The following ABCG2 variants were observed in gnomAD, a reference collection of about 807,000 sequenced individuals.
ABCG2 encodes the protein broad substrate specificity ATP-binding cassette transporter ABCG2.
In ABCG2, 80 loss-of-function variants were observed where a neutral mutation model predicts 73.5. The ratio of observed to expected loss-of-function variants is 1.09; its 90% CI spans 0.91 to 1.31. The LOEUF (loss-of-function observed/expected upper bound fraction) is 1.31. ABCG2 is among the 50% of genes most tolerant of loss of function. The pLI, the probability that ABCG2 is intolerant of heterozygous loss-of-function variation, is 0.00. For missense variants in ABCG2, 796 were observed against 786.2 expected (o/e 1.01, Z -0.15); for synonymous variants, 269 against 282.4 (o/e 0.95, Z 0.48).
chr4:88,190,974 C>T (rs903177601), intron 1 of ABCG2, among the ~76,000 whole-genome samples: 5 of 151,836 alleles, frequency 3.3e-5, no homozygotes, highest in Admixed American at 6.6e-5. Flanking sequence ...CTGTGGCTCA[C>T]GCCTGTAATC....
intron 1 of ABCG2, among the ~76,000 whole-genome samples, chr4:88,175,746 A>G (rs1054523911): frequency 6.6e-6 from 1 of 152,228 alleles, no homozygotes; most frequent in African/African-American, 2.4e-5. Flanking sequence ...CTTGCTTTCT[A>G]GCATAACAAC....
chr4:88,124,439 A>C (rs1159262330), intron 5 of ABCG2, among the ~76,000 whole-genome samples: 1 of 152,224 alleles, frequency 6.6e-6, no homozygotes, highest in Non-Finnish European at 1.5e-5. Flanking sequence ...AAAGATACAC[A>C]TAGGCTCAAA....
chr4:88,172,581 G>GAAA (rs35070245), intron 1 of ABCG2, among the ~76,000 whole-genome samples: 12,261 of 142,210 alleles, frequency 0.086, 1,804 homozygotes, highest in African/African-American at 0.3. Flanking sequence ...CTGTCTCAGG[G>GAAA]AAAAAAAAAA....
At chr4:88,205,481 A>G (rs772792491) in intron 1 of ABCG2, among the ~76,000 whole-genome samples, 1 of 152,190 alleles carries the variant, frequency 6.6e-6, no homozygotes, top group South Asian at 2.1e-4. Context: ...AATAAAAACT[A>G]TAATATAAAT....
At chr4:88,185,758 C>T (rs1190689402) in intron 1 of ABCG2, among the ~76,000 whole-genome samples, 1 of 152,148 alleles carries the variant, frequency 6.6e-6, no homozygotes, top group Non-Finnish European at 1.5e-5. Flanking sequence ...AAAAGGTACT[C>T]ATTATCATTA....
At chr4:88,143,741 T>G (rs1368596103) in intron 1 of ABCG2, among the ~76,000 whole-genome samples, 1 of 151,808 alleles carries the variant, frequency 6.6e-6, no homozygotes, top group Non-Finnish European at 1.5e-5. Context: ...ACCAAGTGAT[T>G]AGACAGGTAT....
intron 5 of ABCG2, among the ~76,000 whole-genome samples, chr4:88,126,477 A>C (rs1328038050): frequency 1.3e-5 from 2 of 152,214 alleles, no homozygotes; most frequent in Non-Finnish European, 2.9e-5. Context: ...ACAACAAAAA[A>C]AGAAAATTTC....
chr4:88,093,189 T>G (rs1474362858), intron 15 of ABCG2, among the ~76,000 whole-genome samples: 3 of 152,202 alleles, frequency 2.0e-5, no homozygotes, highest in Non-Finnish European at 4.4e-5. Flanking sequence ...AAAACATACA[T>G]AGCCTCTCTT....
At chr4:88,227,191 G>A (rs369665833) in intron 1 of ABCG2, among the ~76,000 whole-genome samples, 12 of 152,132 alleles carry the variant, frequency 7.9e-5, no homozygotes, top group African/African-American at 2.7e-4. Flanking sequence ...TCAGCAGTTC[G>A]AGACCAGCCT....
At chr4:88,115,256 C>CTCTCTCTCTCTCTCTCTATATATATATA (rs1309360818) in intron 7 of ABCG2, among the ~76,000 whole-genome samples, 198 bp from the exon 8 acceptor site, 1 of 69,866 alleles carries the variant, frequency 1.4e-5, no homozygotes, top group Non-Finnish European at 2.6e-5. Context: ...CTCTCTCTCT[C>CTCTCTCTCTCTCTCTCTATATATATATA]TATATATATA....
At chr4:88,096,786 C>G (rs1389604676) in intron 13 of ABCG2, among the ~76,000 whole-genome samples, 2 of 151,664 alleles carry the variant, frequency 1.3e-5, no homozygotes, top group Admixed American at 1.3e-4. Flanking sequence ...TATTGAATGT[C>G]AGGAACGAAA....
chr4:88,159,914 C>T (rs960000965), upstream of ABCG2, among the ~76,000 whole-genome samples: 1 of 151,954 alleles, frequency 6.6e-6, no homozygotes, highest in Non-Finnish European at 1.5e-5. Flanking sequence ...CCTTAAAGGC[C>T]CATATAGAAA....
At chr4:88,202,359 T>TATATATATATAC (rs1197305799) in intron 1 of ABCG2, among the ~76,000 whole-genome samples, 1 of 112,524 alleles carries the variant, frequency 8.9e-6, no homozygotes, top group Non-Finnish European at 1.8e-5. Context: ...ATTATTTATA[T>TATATATATATAC]ATATATATAT....
intron 1 of ABCG2, among the ~76,000 whole-genome samples, chr4:88,208,580 A>T (rs1436224627): frequency 3.9e-5 from 6 of 152,242 alleles, no homozygotes; most frequent in Non-Finnish European, 8.8e-5. Flanking sequence ...TTAACTGATA[A>T]CTGGGGACAC....
Position 88,113,268 on chromosome 4 carries a change from C to A in ABCG2, c.1194+35G>T, listed in dbSNP as rs778507868. On this transcript the variant is annotated intron_variant, in intron 9 of 15. Transcript: ENST00000237612. ...CAGATGATAACAGAACCACATTGTT[C>A]CCATTTGAGTATTTCAAAAGAATCT... is the stretch of plus-strand genomic sequence containing the variant. 12 of 1,601,452 alleles carry A rather than the reference C, an allele frequency of 7.5e-6. No individual in the cohort carries two copies. The South Asian group carries it at 1.4e-4, about 18-fold the overall frequency.
At chr4:88,221,805 TA>T (rs534716586) in intron 1 of ABCG2, among the ~76,000 whole-genome samples, 6 of 152,138 alleles carry the variant, frequency 3.9e-5, no homozygotes, top group Non-Finnish European at 7.4e-5. Flanking sequence ...AAGCAGAGCA[TA>T]AAAGTTTGGA....
Position 88,107,207 on chromosome 4 carries a change from A to AT in ABCG2, c.1253dup (p.Asn418LysfsTer2), listed in dbSNP as rs759222919. The stretch of plus-strand genomic sequence containing the variant: ...ACCTGTTCTGGATTCCAGTAGAATC[A>AT]TTTTTTAGCCCAAAGTAAATGGCAC... On this transcript the variant is annotated frameshift_variant, in exon 10 of 16. Transcript: ENST00000237612. LOFTEE classifies it high-confidence loss of function. 2 of 1,613,450 alleles carry AT rather than the reference A, an allele frequency of 1.2e-6. No homozygotes were observed. Among genetic ancestry groups the AT allele is most frequent in the Non-Finnish European group, 1.7e-6 (2 of 1,179,706 alleles).
At chr4:88,153,937 G>A (rs1043105731) in intron 1 of ABCG2, among the ~76,000 whole-genome samples, 2 of 152,154 alleles carry the variant, frequency 1.3e-5, no homozygotes, top group Non-Finnish European at 2.9e-5. Flanking sequence ...AGATTTCCAC[G>A]ATGGAAAGGA....
At chr4:88,127,291 C>T (rs1292936669) in intron 5 of ABCG2, among the ~76,000 whole-genome samples, 1 of 152,134 alleles carries the variant, frequency 6.6e-6, no homozygotes, top group Non-Finnish European at 1.5e-5. Flanking sequence ...AATGGAAAAA[C>T]ATTTCATGCT....
Sources: gnomAD v4.1 joint callset for allele counts (sites outside exome capture counted in the v4.1 genomes callset) on GRCh38, gnomAD v4.1.1 for gene constraint, MANE v1.5 for transcripts, NCBI Gene and HGNC (gene_info 2026-07-23, HGNC 2026-07-21) for gene names.